The following OTUD3 variants were observed in gnomAD, a reference collection of about 807,000 sequenced individuals.
OTUD3 encodes the protein OTU domain-containing protein 3.
Under a neutral mutation model 46.2 loss-of-function variants are expected in OTUD3, and 24 were observed. That is an observed-to-expected ratio of 0.52 (90% CI 0.38 to 0.73). The LOEUF (loss-of-function observed/expected upper bound fraction) is 0.73, where lower values mean the gene tolerates loss of function less well. OTUD3 is among the 30% of genes least tolerant of loss of function. The pLI, the probability that OTUD3 is intolerant of heterozygous loss-of-function variation, is 0.00. For missense variants in OTUD3, 455 were observed against 523.3 expected (o/e 0.87, Z 1.27); for synonymous variants, 189 against 195.4 (o/e 0.97, Z 0.27).
intron 1 of OTUD3, among the ~76,000 whole-genome samples, chr1:19,887,392 C>G (rs891324666): frequency 3.3e-5 from 5 of 152,246 alleles, no homozygotes; most frequent in Admixed American, 6.5e-5. Flanking sequence ...CTGATGATCT[C>G]TCATATTTTC....
intron 6 of OTUD3, among the ~76,000 whole-genome samples, chr1:19,905,558 T>G (rs142141336): frequency 0.017 from 2,508 of 151,942 alleles, 73 homozygotes; most frequent in African/African-American, 0.056. Context: ...CTGACGAACA[T>G]GGTGAAACCC....
rs886822215 is a variant in OTUD3, at chr1:19,882,414, G to A, written c.-100G>A. 2.3e-6 allele frequency: 3 copies of A among 1,299,400 alleles called. No individual in the cohort carries two copies. Among genetic ancestry groups the A allele is most frequent in the Admixed American group, 4.2e-5 (1 of 23,862 alleles). The allele number at this position is 1,299,400 out of a possible 1,614,324, so 80.5% of individuals were successfully genotyped here. On this transcript the variant is annotated 5_prime_UTR_variant, in exon 1 of 8. Transcript: ENST00000375120. The stretch of plus-strand genomic sequence containing the variant: ...GCGGTTGCTGCGTAGTCGTCGCCGG[G>A]CTCCGTTGCCCGCGCTGTTTTACCT...
intron 6 of OTUD3, among the ~76,000 whole-genome samples, chr1:19,905,258 G>A (rs763087449): frequency 9.2e-5 from 14 of 152,114 alleles, no homozygotes; most frequent in Non-Finnish European, 1.3e-4. Context: ...GCTGGGGGAC[G>A]CATCAGGGAA....
rs2045338589 is a variant in OTUD3 at position 19,885,116 on chromosome 1, T to C, written c.221+2382T>C. Among the ~76,000 whole-genome samples, 4 of 152,300 alleles carry C rather than the reference T, an allele frequency of 2.6e-5. No individual in the cohort carries two copies. In the South Asian group the frequency reaches 8.3e-4, roughly 32 times the overall value. On this transcript the variant is annotated intron_variant, in intron 1 of 7. Transcript: ENST00000375120. ...AAGGACACGATGTTTTTGGGAGATC[T>C]ACAGGTTGTTTAGGGTGACGGGTAG...
At chr1:19,901,922 A>C (rs977208943) in intron 4 of OTUD3, among the ~76,000 whole-genome samples, 1 of 152,122 alleles carries the variant, frequency 6.6e-6, no homozygotes, top group East Asian at 1.9e-4. Flanking sequence ...TCTGTTAATG[A>C]GCATTTAGGT....
chr1:19,883,795 A>G (rs531450083), intron 1 of OTUD3, among the ~76,000 whole-genome samples: 16 of 152,184 alleles, frequency 1.1e-4, no homozygotes, highest in Non-Finnish European at 1.9e-4. Context: ...ATTGCCTTAG[A>G]TATTAACTGC....
At chr1:19,886,477 C>G (rs1318420198) in intron 1 of OTUD3, among the ~76,000 whole-genome samples, 1 of 152,144 alleles carries the variant, frequency 6.6e-6, no homozygotes, top group African/African-American at 2.4e-5. Context: ...ATCTTTTGTG[C>G]CTCACTCAGT....
intron 3 of OTUD3, among the ~76,000 whole-genome samples, chr1:19,895,068 A>G (rs1019727068): frequency 6.6e-6 from 1 of 152,248 alleles, no homozygotes; most frequent in Non-Finnish European, 1.5e-5. Context: ...ACACTTGGCT[A>G]TAAAAACATT....
intron 5 of OTUD3, among the ~76,000 whole-genome samples, chr1:19,904,669 C>T (rs1298370757): frequency 6.6e-6 from 1 of 152,184 alleles, no homozygotes; most frequent in Non-Finnish European, 1.5e-5. Flanking sequence ...AGTACAAATG[C>T]AGTTTTATAG....
At chr1:19,884,149 A>G (rs960294830) in intron 1 of OTUD3, among the ~76,000 whole-genome samples, 4 of 152,228 alleles carry the variant, frequency 2.6e-5, no homozygotes, top group African/African-American at 9.6e-5. Flanking sequence ...AGAAATACCA[A>G]TTGAATACAG....
chr1:19,883,348 T>A (rs1467439172), intron 1 of OTUD3, among the ~76,000 whole-genome samples: 1 of 152,052 alleles, frequency 6.6e-6, no homozygotes, highest in Non-Finnish European at 1.5e-5. Context: ...CAGCTTTCTT[T>A]AGGGAACGCG....
At chr1:19,886,365 A>AT (rs954619216) in intron 1 of OTUD3, among the ~76,000 whole-genome samples, 1 of 152,128 alleles carries the variant, frequency 6.6e-6, no homozygotes, top group African/African-American at 2.4e-5. Flanking sequence ...CAAGTAGTTT[A>AT]TTTTTTAGTT....
intron 3 of OTUD3, among the ~76,000 whole-genome samples, chr1:19,896,125 G>A (rs1440507278): frequency 6.6e-6 from 1 of 151,990 alleles, no homozygotes; most frequent in Non-Finnish European, 1.5e-5. Context: ...TAAAATTTAA[G>A]AACTGAAACT....
Position 19,906,467 on chromosome 1 carries a change from C to A in OTUD3, c.871C>A (p.Leu291Met). 1 of 1,614,074 alleles carries A rather than the reference C, an allele frequency of 6.2e-7. No homozygotes were observed. Among genetic ancestry groups the A allele is most frequent in the Non-Finnish European group, 8.5e-7 (1 of 1,179,952 alleles). The change falls in exon 7 of 8, where the codon CTG (leucine) becomes ATG (methionine). Residue 291 changes from leucine to methionine, a missense_variant. Leu to Met is a conservative substitution (Grantham distance 15). Coordinates refer to ENST00000375120, the MANE Select transcript of OTUD3 (RefSeq NM_015207.2). ...GAATCTTGAGCCCAGTGGTCGAGTG[C>A]TGAAGCAGTGTGGCCCTTTGTGGGA... ...EENLEPSGRV[L>M]KQCGPLWEEG...
At chr1:19,905,033 G>T in intron 6 of OTUD3, 46 bp downstream of exon 6, 2 of 1,026,058 alleles carry the variant, frequency 1.9e-6, no homozygotes, top group Non-Finnish European at 1.5e-6. Flanking sequence ...TGGTTGTGTT[G>T]GTAATTTTCC....
rs915671120 is a variant in OTUD3 at position 19,909,260 on chromosome 1, T to C, written c.*1514T>C. ...GGCCTTTGGCTTTCTTCAGTTTCAC[T>C]GGTATCTTTTGGTTTTGTTTTTGAC... On this transcript the variant is annotated 3_prime_UTR_variant, in exon 8 of 8. Transcript: ENST00000375120. 2.0e-5 allele frequency: 3 copies of C among 152,362 alleles called. No homozygotes were observed. Among genetic ancestry groups the C allele is most frequent in the Non-Finnish European group, 2.9e-5 (2 of 68,048 alleles). 9.4% of individuals were successfully genotyped at this position (152,362 alleles called of 1,614,324 possible). A position where few individuals can be genotyped will look rare whatever the true frequency, so the allele number is the denominator to read the frequency against.
rs935697141 is a variant in OTUD3, at chr1:19,894,460, C to T, written c.463C>T (p.Leu155Phe). 5 of 1,594,990 alleles carry T rather than the reference C, an allele frequency of 3.1e-6. No homozygotes were observed. Among genetic ancestry groups the T allele is most frequent in the Non-Finnish European group, 4.3e-6 (5 of 1,167,398 alleles). The change falls in exon 3 of 8, where the codon CTT becomes TTT. Residue 155 changes from leucine (L) to phenylalanine (F), a missense_variant. Physicochemically the swap from Leu to Phe is conservative, Grantham distance 22. Transcript: ENST00000375120. ...TCAGTTGAATGTAGTGATTCATCAA[C>T]TTAATGCCCCTTTGTGGCAGGTAGG... ...NHQLNVVIHQ[L>F]NAPLWQIRGT...
rs931132257 is a variant in OTUD3, at chr1:19,882,560, G to A, written c.47G>A (p.Arg16Gln). 2 of 1,366,980 alleles carry A rather than the reference G, an allele frequency of 1.5e-6. No individual in the cohort carries two copies. The highest frequency in any genetic ancestry group is 7.8e-5 in the Admixed American group (2 of 25,804). 84.7% of individuals were successfully genotyped at this position (1,366,980 alleles called of 1,614,324 possible). A position where few individuals can be genotyped will look rare whatever the true frequency, so the allele number is the denominator to read the frequency against. ...AAGAGCCGGCCGGGCAGCGGCAGCC[G>A]GAAAGCCGAGGCCGAGCGCAAGCGG... ...AAKSRPGSGS[R>Q]KAEAERKRDE... The change falls in exon 1 of 8, where the codon CGG becomes CAG. Residue 16 changes from arginine (R) to glutamine (Q), a missense_variant. Coordinates refer to ENST00000375120, the MANE Select transcript of OTUD3 (RefSeq NM_015207.2).
intron 3 of OTUD3, among the ~76,000 whole-genome samples, chr1:19,895,078 T>G (rs58570239): frequency 0.057 from 8,632 of 152,284 alleles, 291 homozygotes; most frequent in Middle Eastern, 0.085. Flanking sequence ...ATAAAAACAT[T>G]GATACATAAC....
Sources: allele counts gnomAD v4.1 joint callset (sites outside exome capture counted in the v4.1 genomes callset), GRCh38; gene constraint gnomAD v4.1.1; transcripts MANE v1.5; gene names NCBI Gene and HGNC (gene_info 2026-07-23, HGNC 2026-07-21).